The following NSMCE1 variants were observed in gnomAD, a reference collection of about 807,000 sequenced individuals.
NSMCE1 encodes NSE1 component of SMC5/6 complex, also known as non-structural maintenance of chromosomes element 1 homolog.
NSMCE1 carries 18 observed loss-of-function variants against 29.6 expected under a neutral mutation model. The observed-to-expected ratio is 0.61, with a 90% CI of 0.42 to 0.90. NSMCE1 has a LOEUF of 0.90. Ranked by LOEUF, NSMCE1 falls within the 40% of genes least tolerant of loss-of-function variation. The probability of loss-of-function intolerance (pLI) is 0.00; values close to 1 mark genes in which losing one functional copy is unlikely to be tolerated. For missense variants in NSMCE1, 314 were observed against 343.6 expected, an observed-to-expected ratio of 0.91 and a Z score of 0.68; for synonymous variants, 124 against 133.4, an observed-to-expected ratio of 0.93 and a Z score of 0.49.
In NSMCE1 at chr16:27,234,285, G is replaced by T; in HGVS notation, c.259-20C>A. On this transcript the variant is annotated intron_variant, in intron 3 of 7. Transcript: ENST00000361439. ...ATTCACCTAAGAAATAAGTCAGCAC[G>T]ACAGTCAGGCTGTGCTCTTTGCGTG... The T allele has an allele frequency of 1.3e-6, 2 of 1,552,504 alleles. No individual in the cohort carries two copies. Among genetic ancestry groups the T allele is most frequent in the Non-Finnish European group, 1.8e-6 (2 of 1,123,704 alleles).
At chr16:27,236,062 C>T (rs2083820638) in intron 2 of NSMCE1, among the ~76,000 whole-genome samples, 2 of 152,174 alleles carry the variant, frequency 1.3e-5, no homozygotes, top group South Asian at 4.1e-4. Flanking sequence ...CCTGGCCCTG[C>T]CAGCAGGATG....
At chr16:27,236,136 C>T (rs1479863463) in intron 2 of NSMCE1, among the ~76,000 whole-genome samples, 1 of 152,114 alleles carries the variant, frequency 6.6e-6, no homozygotes, top group Non-Finnish European at 1.5e-5. Context: ...ACACTATTGC[C>T]GGGGGCTCAG....
rs766825143 is a variant in NSMCE1, at chr16:27,232,925, A to G, written c.483+76T>C. On this transcript the variant is annotated intron_variant, in intron 5 of 7. Transcript: ENST00000361439. This position sits in a 1 kb window ranked among gnomAD's most constrained non-coding sequence, Gnocchi z 4.5. ...CGGGCTCCTCAGACATCAGTTGGCT[A>G]CAAGTACGATTTTGGAGAAAAAACT... 4.0e-6 allele frequency: 6 copies of G among 1,506,428 alleles called. No individual in the cohort carries two copies. Among genetic ancestry groups the G allele is most frequent in the Middle Eastern group, 1.7e-4 (1 of 5,734 alleles). 93.3% of individuals were successfully genotyped at this position (1,506,428 alleles called of 1,614,324 possible). A position where few individuals can be genotyped will look rare whatever the true frequency, so the allele number is the denominator to read the frequency against.
chr16:27,226,529 G>A, intron 6 of NSMCE1, 191 bp downstream of exon 6: 1 of 543,634 alleles, frequency 1.8e-6, no homozygotes. Context: ...GGGCGGCAGT[G>A]CGTCCCTGCG....
At chr16:27,260,853 T>G (rs2084147743) in intron 1 of NSMCE1, among the ~76,000 whole-genome samples, 1 of 60,248 alleles carries the variant, frequency 1.7e-5, no homozygotes, top group African/African-American at 9.2e-5. Flanking sequence ...AGTGAGACCC[T>G]GTCTCAAAAA....
At chr16:27,234,609 C>T (rs2083798947) in intron 3 of NSMCE1, among the ~76,000 whole-genome samples, 1 of 152,220 alleles carries the variant, frequency 6.6e-6, no homozygotes, top group East Asian at 1.9e-4. Flanking sequence ...TTTGCCATGT[C>T]TGACCAGCAT....
chr16:27,266,833 A>G (rs2084231540), intron 1 of NSMCE1, among the ~76,000 whole-genome samples: 1 of 152,144 alleles, frequency 6.6e-6, no homozygotes, highest in African/African-American at 2.4e-5. Context: ...ATTCAAGAAC[A>G]AAAACTCCCT....
At chr16:27,252,230 C>A (rs895369294) in intron 2 of NSMCE1, among the ~76,000 whole-genome samples, 2 of 152,164 alleles carry the variant, frequency 1.3e-5, no homozygotes, top group African/African-American at 4.8e-5. Flanking sequence ...ACCAGAATGA[C>A]CAAGCCTCAA....
At chr16:27,231,616 A>C (rs1199913489) in intron 5 of NSMCE1, among the ~76,000 whole-genome samples, 1 of 151,440 alleles carries the variant, frequency 6.6e-6, no homozygotes, top group African/African-American at 2.4e-5. Context: ...CAGCCTGGGC[A>C]ACAAGAGCAA....
rs1284723833 is a variant in NSMCE1, at chr16:27,251,182, ATATATAT to A, written c.136+6246_136+6252del. On this transcript the variant is annotated intron_variant, in intron 2 of 7. Transcript: ENST00000361439. ...AAAATATATATATATATATATATAT[ATATATAT>A]AAATATATATATATATATAAAACTC... is the stretch of plus-strand genomic sequence containing the variant. Among the ~76,000 whole-genome samples, 459 of 64,904 alleles carry A rather than the reference ATATATAT, an allele frequency of 7.1e-3. 9 individuals carry two copies. The highest frequency in any genetic ancestry group is 8.9e-3 in the Non-Finnish European group (304 of 34,048). 42.6% of individuals were successfully genotyped at this position (64,904 alleles called of 152,430 possible).
chr16:27,238,544 T>TTC (rs67952954), intron 2 of NSMCE1, among the ~76,000 whole-genome samples: 81 of 24,594 alleles, frequency 3.3e-3, no homozygotes, highest in African/African-American at 9.5e-3. Flanking sequence ...CCTTTTTTCT[T>TTC]TTTTTTTTTT....
At position 27,225,769 on chromosome 16, in the gene NSMCE1, C is replaced by T. The variant is rs763614645; in HGVS notation, c.678G>A (p.Pro226=). 5 of 1,614,154 alleles carry T rather than the reference C, an allele frequency of 3.1e-6. No individual in the cohort carries two copies. Among genetic ancestry groups the T allele is most frequent in the Non-Finnish European group, 4.2e-6 (5 of 1,180,026 alleles). ...AGTAGTCGTTGCAGTGGGGGCAGCGCGGTTCAGCATTCGACTGGAAGTACT... is the reference window on the plus strand; with the variant it reads ...AGTAGTCGTTGCAGTGGGGGCAGCGTGGTTCAGCATTCGACTGGAAGTACT... ...VAKYFQSNAE[P]RCPHCNDYWP... The change falls in exon 7 of 8, where the codon CCG becomes CCA. Residue 226 remains proline (P), a synonymous_variant. Coordinates refer to ENST00000361439, the MANE Select transcript of NSMCE1 (RefSeq NM_145080.4).
chr16:27,258,130 A>T (rs943708667), intron 1 of NSMCE1: 1 of 152,258 alleles, frequency 6.6e-6, no homozygotes, highest in Non-Finnish European at 1.5e-5. Context: ...ACTAGTAAAC[A>T]CTTAATAAAT....
intron 6 of NSMCE1, 106 bp from the exon 7 acceptor site, chr16:27,225,952 T>A (rs917839531): frequency 7.5e-7 from 1 of 1,329,934 alleles, no homozygotes; most frequent in Non-Finnish European, 1.1e-6. Context: ...CATCGTGTTA[T>A]CTTCTGGGCC....
chr16:27,226,187 A>T (rs1177884210), intron 6 of NSMCE1: 1 of 221,494 alleles, frequency 4.5e-6, no homozygotes. Context: ...CTTTCAAAAA[A>T]AAAGTGCACT....
chr16:27,248,303 T>C (rs71377604), intron 2 of NSMCE1, among the ~76,000 whole-genome samples: 1 of 152,136 alleles, frequency 6.6e-6, no homozygotes, highest in Non-Finnish European at 1.5e-5. Context: ...TATATTAGAG[T>C]TCCAGTTCCT....
chr16:27,233,872 C>G, intron 4 of NSMCE1: 2 of 335,006 alleles, frequency 6.0e-6, no homozygotes, highest in Non-Finnish European at 1.1e-5. Context: ...GCTGCTGCTG[C>G]CTTTCCCAGA....
At chr16:27,267,471 G>A (rs1048105748) in intron 1 of NSMCE1, among the ~76,000 whole-genome samples, 1 of 152,054 alleles carries the variant, frequency 6.6e-6, no homozygotes, top group African/African-American at 2.4e-5. Context: ...AGATAGACGT[G>A]ACCATACAAC....
chr16:27,238,481 G>A (rs933343625), intron 2 of NSMCE1, among the ~76,000 whole-genome samples: 18 of 151,268 alleles, frequency 1.2e-4, no homozygotes, highest in African/African-American at 4.4e-4. Flanking sequence ...ACAGGAGTCA[G>A]CTGGTGACAC....
Sources: allele counts gnomAD v4.1 joint callset (sites outside exome capture counted in the v4.1 genomes callset), GRCh38; gene constraint gnomAD v4.1.1; non-coding constraint Gnocchi (gnomAD v3.1); transcripts MANE v1.5; gene names NCBI Gene and HGNC (gene_info 2026-07-23, HGNC 2026-07-21).